Variants in MAEA observed in about 807,000 individuals in gnomAD.
MAEA encodes E3 ubiquitin-protein transferase MAEA.
Under a neutral mutation model 46.2 loss-of-function variants are expected in MAEA, and 22 were observed. The ratio of observed to expected loss-of-function variants is 0.48; its 90% CI spans 0.34 to 0.68. MAEA has a LOEUF of 0.68. Among genes scored for constraint, MAEA ranks in the 30% least tolerant of loss-of-function variants. The probability of loss-of-function intolerance (pLI) is 0.01; values close to 1 mark genes in which losing one functional copy is unlikely to be tolerated. For synonymous variants in MAEA, 246 were observed against 222.6 expected (o/e 1.11, Z -0.94); for missense variants, 393 against 558.1 (o/e 0.70, Z 2.98).
chr4:1,303,026 C>T (rs976992447), intron 1 of MAEA, among the ~76,000 whole-genome samples: 9 of 152,046 alleles, frequency 5.9e-5, no homozygotes, highest in Admixed American at 1.3e-4. Flanking sequence ...AGGTGACACA[C>T]GGAGTTACCA....
intron 3 of MAEA, among the ~76,000 whole-genome samples, chr4:1,320,166 AACACTAT>A (rs1737858001): frequency 1.0e-5 from 1 of 97,576 alleles, no homozygotes; most frequent in African/African-American, 5.0e-5. Flanking sequence ...CATGCAAGAA[AACACTAT>A]GAAGGGGCTT....
chr4:1,293,169 A>G (rs1224307628), intron 1 of MAEA, among the ~76,000 whole-genome samples: 1 of 151,860 alleles, frequency 6.6e-6, no homozygotes, highest in East Asian at 1.9e-4. Flanking sequence ...ATAGTTCACC[A>G]TCTTGAATTG....
At position 1,311,830 on chromosome 4, in the gene MAEA, A is replaced by G; in HGVS notation, c.70-149A>G. 2 of 681,188 alleles carry G rather than the reference A, an allele frequency of 2.9e-6. No homozygotes were observed. Among genetic ancestry groups the G allele is most frequent in the South Asian group, 2.1e-5 (1 of 48,598 alleles). The allele number at this position is 681,188 out of a possible 1,614,324, so 42.2% of individuals were successfully genotyped here. On this transcript the variant is annotated intron_variant, in intron 1 of 8. Coordinates refer to ENST00000303400, the MANE Select transcript of MAEA (RefSeq NM_001017405.3). This position sits in a 1 kb window ranked among gnomAD's most constrained non-coding sequence, Gnocchi z 4.4. ...GCAGGGCTTTTGTGGGTCTTGGTTG[A>G]GGTTTAGAGTAGATACTTTTGAGAC... is the stretch of plus-strand genomic sequence containing the variant.
chr4:1,324,619 T>G (rs1203477843), intron 4 of MAEA, among the ~76,000 whole-genome samples: 1 of 137,844 alleles, frequency 7.3e-6, no homozygotes, highest in Non-Finnish European at 1.5e-5. Context: ...GAGTTGAGAT[T>G]GGATGAGCGT....
chr4:1,324,271 T>A (rs1738521665), intron 4 of MAEA, among the ~76,000 whole-genome samples: 1 of 147,932 alleles, frequency 6.8e-6, no homozygotes, highest in South Asian at 2.2e-4. Flanking sequence ...TGAGTTGAGA[T>A]TGGATGCCTG....
At chr4:1,290,016 G>GAAGGCGTC in intron 1 of MAEA, 34 bp downstream of exon 1, 1 of 1,540,774 alleles carries the variant, frequency 6.5e-7, no homozygotes, top group Non-Finnish European at 8.8e-7. Flanking sequence ...TGAGGGCAGC[G>GAAGGCGTC]AAGGCGTCTC....
At chr4:1,310,698 G>A (rs557798903) in intron 1 of MAEA, among the ~76,000 whole-genome samples, 23 of 152,336 alleles carry the variant, frequency 1.5e-4, no homozygotes, top group African/African-American at 5.5e-4. Context: ...CCTGTCACCC[G>A]CGGTGGGTCC....
At chr4:1,298,113 C>G (rs1462961576) in intron 1 of MAEA, 1 of 456,188 alleles carries the variant, frequency 2.2e-6, no homozygotes, top group Admixed American at 2.3e-5. Flanking sequence ...CCCTGTACCC[C>G]AGGTACTGTT....
chr4:1,336,183 CAG>C (rs1712731651), intron 6 of MAEA, among the ~76,000 whole-genome samples: 1 of 150,024 alleles, frequency 6.7e-6, no homozygotes, highest in African/African-American at 2.5e-5. Context: ...ATGTTGAAAT[CAG>C]AGAGTTCCAG....
chr4:1,304,888 T>C (rs1218518701), intron 1 of MAEA, among the ~76,000 whole-genome samples: 1 of 152,216 alleles, frequency 6.6e-6, no homozygotes, highest in African/African-American at 2.4e-5. Context: ...TATACTCTAT[T>C]GAATTTGAAA....
At chr4:1,312,412 C>A in intron 2 of MAEA, 1 of 450,982 alleles carries the variant, frequency 2.2e-6, no homozygotes, top group South Asian at 2.9e-5. Flanking sequence ...GGATGTATAG[C>A]AGGTTGATTG....
intron 3 of MAEA, among the ~76,000 whole-genome samples, chr4:1,320,436 T>A: frequency 9.1e-6 from 1 of 110,014 alleles, no homozygotes; most frequent in East Asian, 2.6e-4. Context: ...TAGAAAGAAA[T>A]TATCAAAGCA....
chr4:1,304,100 CT>C (rs1355443575), intron 1 of MAEA, among the ~76,000 whole-genome samples: 1 of 152,152 alleles, frequency 6.6e-6, no homozygotes, highest in East Asian at 1.9e-4. Context: ...CCTCCTCCCC[CT>C]GTCAGTCGTG....
At chr4:1,313,302 A>G (rs1008890531) in intron 2 of MAEA, among the ~76,000 whole-genome samples, 9 of 152,250 alleles carry the variant, frequency 5.9e-5, no homozygotes, top group African/African-American at 1.2e-4. Flanking sequence ...CGTCCAGCAC[A>G]GAGACAGCCT....
intron 1 of MAEA, among the ~76,000 whole-genome samples, chr4:1,310,965 A>G (rs1736423368): frequency 6.6e-6 from 1 of 152,240 alleles, no homozygotes; most frequent in Non-Finnish European, 1.5e-5. Flanking sequence ...CCCTCACTGC[A>G]GCCCTGCCTT....
intron 5 of MAEA, chr4:1,328,945 A>T: frequency 1.0e-6 from 1 of 992,570 alleles, no homozygotes; most frequent in Non-Finnish European, 1.2e-6. Context: ...CATTGCGGGG[A>T]CACGGCCAGG....
At chr4:1,312,388 C>A (rs1009908930) in intron 2 of MAEA, 19 of 565,148 alleles carry the variant, frequency 3.4e-5, no homozygotes, top group Admixed American at 1.0e-4. Flanking sequence ...AGAGTCCAGG[C>A]CACAGGGAGA....
intron 1 of MAEA, among the ~76,000 whole-genome samples, chr4:1,291,728 G>C (rs1159923254): frequency 1.3e-5 from 2 of 152,220 alleles, no homozygotes; most frequent in Admixed American, 6.5e-5. Flanking sequence ...GAACTAGGAA[G>C]GGAGATGGAA....
chr4:1,305,716 T>C (rs945636388), intron 1 of MAEA, among the ~76,000 whole-genome samples: 1 of 151,714 alleles, frequency 6.6e-6, no homozygotes, highest in African/African-American at 2.4e-5. Context: ...GGCACCCACA[T>C]GTGTGTGTGC....
Sources: allele counts gnomAD v4.1 joint callset (sites outside exome capture counted in the v4.1 genomes callset), GRCh38; gene constraint gnomAD v4.1.1; non-coding constraint Gnocchi (gnomAD v3.1); transcripts MANE v1.5; gene names NCBI Gene and HGNC (gene_info 2026-07-23, HGNC 2026-07-21).